Variants in DMD observed in about 807,000 individuals in gnomAD.
The protein encoded by DMD is dystrophin.
In DMD, 63 loss-of-function variants were observed where a neutral mutation model predicts 330.1. That is an observed-to-expected ratio of 0.19 (90% confidence interval 0.16 to 0.24). DMD has a LOEUF of 0.24. DMD is among the 10% of genes least tolerant of loss of function. The pLI is 1.00. For missense variants in DMD, 3,344 were observed against 2,684.1 expected (o/e 1.25, Z -5.43); for synonymous variants, 1,223 against 959.8 (o/e 1.27, Z -5.07).
In DMD at chrX:31,508,522, C is replaced by T. The variant is rs16989681; in HGVS notation, c.8218-1069G>A. ...TAAACAGCCAACTTTTCTTATCATT[C>T]TGCCATTACAAGCCAGAGACATTAT... On this transcript the variant is annotated intron_variant, in intron 55 of 78. Transcript: ENST00000357033. The T allele has an allele frequency of 0.21, 40,773 of 198,771 alleles. 4,345 individuals carry two copies. The highest frequency in any genetic ancestry group is 0.45 in the African/African-American group (15,026 of 33,518). 16.4% of individuals were successfully genotyped at this position (198,771 alleles called of 1,213,427 possible).
At chrX:31,622,875 TATAC>T (rs1452864738) in intron 55 of DMD, among the ~76,000 whole-genome samples, 1,927 of 80,249 alleles carry the variant, frequency 0.024, 22 homozygotes, top group Non-Finnish European at 0.027. Flanking sequence ...TATATATATA[TATAC>T]ACACACACAC....
intron 44 of DMD, among the ~76,000 whole-genome samples, chrX:32,045,341 GTTTTGT>G (rs2096056075): frequency 1.0e-5 from 1 of 97,364 alleles, no homozygotes; most frequent in African/African-American, 4.0e-5. Context: ...TGAGCGATCT[GTTTTGT>G]TTTTTTTTTT....
chrX:32,872,106 A>G (rs960625297), intron 2 of DMD, among the ~76,000 whole-genome samples: 2 of 111,601 alleles, frequency 1.8e-5, no homozygotes, highest in African/African-American at 6.5e-5. Flanking sequence ...CTGAATGATT[A>G]CTTGTATCAG....
chrX:32,980,368 C>CAAAAAAA (rs755016078), intron 2 of DMD, among the ~76,000 whole-genome samples: 2 of 42,633 alleles, frequency 4.7e-5, no homozygotes, highest in African/African-American at 1.8e-4. Context: ...GACTCTGTCT[C>CAAAAAAA]AAAAAAAAAA....
chrX:31,256,741 C>CGTGTGTGTGTGT (rs35842618), intron 63 of DMD, among the ~76,000 whole-genome samples: 59 of 97,966 alleles, frequency 6.0e-4, no homozygotes, highest in African/African-American at 2.2e-3. Context: ...ATATGTGGGG[C>CGTGTGTGTGTGT]GTGTGTGTGT....
intron 16 of DMD, among the ~76,000 whole-genome samples, chrX:32,562,828 C>T (rs1458851476): frequency 9.0e-6 from 1 of 111,451 alleles, no homozygotes; most frequent in Non-Finnish European, 1.9e-5. Flanking sequence ...TCCTGAGTAG[C>T]TCCATTTCTA....
chrX:32,999,476 T>C (rs2093215303), intron 2 of DMD, among the ~76,000 whole-genome samples: 1 of 111,715 alleles, frequency 9.0e-6, no homozygotes, highest in Non-Finnish European at 1.9e-5. Flanking sequence ...GTTACTTAAA[T>C]GTAACATGTT....
At chrX:32,427,673 C>T (rs1198280374) in intron 29 of DMD, among the ~76,000 whole-genome samples, 1 of 109,257 alleles carries the variant, frequency 9.2e-6, no homozygotes, top group African/African-American at 3.3e-5. Flanking sequence ...TGTATATTGC[C>T]TTGTATGTTC....
chrX:32,269,968 G>A (rs1385504700), intron 43 of DMD, among the ~76,000 whole-genome samples: 1 of 112,139 alleles, frequency 8.9e-6, no homozygotes, highest in Non-Finnish European at 1.9e-5. Context: ...GTATTGCAAA[G>A]CTACTTATTT....
chrX:32,729,853 A>G (rs2148013972), intron 7 of DMD, among the ~76,000 whole-genome samples: 2 of 112,335 alleles, frequency 1.8e-5, no homozygotes, highest in African/African-American at 3.2e-5. Flanking sequence ...CATTCACCAT[A>G]GTACTGACTA....
At chrX:31,804,849 T>C (rs1467820563) in intron 50 of DMD, among the ~76,000 whole-genome samples, 1 of 110,477 alleles carries the variant, frequency 9.1e-6, no homozygotes, top group East Asian at 2.8e-4. Context: ...TTTTTTTTTT[T>C]TTTTTCCAGA....
At chrX:31,393,486 A>C (rs867749601) in intron 60 of DMD, among the ~76,000 whole-genome samples, 2 of 100,074 alleles carry the variant, frequency 2.0e-5, no homozygotes, top group Admixed American at 1.0e-4. Context: ...CAAAAAAAAA[A>C]AAAAACAAAA....
At chrX:33,234,727 G>A (rs368612586) in intron 1 of DMD, among the ~76,000 whole-genome samples, 42 of 111,596 alleles carry the variant, frequency 3.8e-4, no homozygotes, top group Non-Finnish European at 7.3e-4. Context: ...ATTAGCCACC[G>A]CTGCCATTCC....
intron 47 of DMD, among the ~76,000 whole-genome samples, chrX:31,884,273 A>G (rs1432187113): frequency 8.9e-6 from 1 of 112,003 alleles, no homozygotes; most frequent in African/African-American, 3.2e-5. Flanking sequence ...GAACGGTTAA[A>G]GAAATTGCGG....
chrX:32,200,503 A>T (rs1203666312), intron 44 of DMD, among the ~76,000 whole-genome samples: 1 of 111,275 alleles, frequency 9.0e-6, no homozygotes, highest in East Asian at 2.8e-4. Context: ...TATGTGTTGC[A>T]TACATATGCA....
chrX:32,106,956 C>A (rs2096566580), intron 44 of DMD, among the ~76,000 whole-genome samples: 1 of 111,888 alleles, frequency 8.9e-6, no homozygotes, highest in African/African-American at 3.2e-5. Context: ...AAGGGAGGAG[C>A]CATCTTTTTC....
intron 18 of DMD, among the ~76,000 whole-genome samples, chrX:32,506,931 G>C (rs1056408215): frequency 1.8e-5 from 2 of 111,562 alleles, no homozygotes; most frequent in Non-Finnish European, 3.8e-5. Flanking sequence ...TAAGATCCTA[G>C]ATGAAGCTCC....
intron 55 of DMD, among the ~76,000 whole-genome samples, chrX:31,544,323 CA>C (rs756215454): frequency 0.18 from 9,315 of 50,702 alleles, 517 homozygotes; most frequent in East Asian, 0.34. Context: ...GACTCCGTCT[CA>C]AAAAAAAAAA....
At chrX:32,585,295 A>G (rs2054106296) in intron 13 of DMD, among the ~76,000 whole-genome samples, 1 of 112,526 alleles carries the variant, frequency 8.9e-6, no homozygotes, top group Admixed American at 9.4e-5. Flanking sequence ...ATAATTATAT[A>G]CAACAGTGTA....
Sources: allele counts gnomAD v4.1 joint callset (sites outside exome capture counted in the v4.1 genomes callset), GRCh38; gene constraint gnomAD v4.1.1; transcripts MANE v1.5; gene names NCBI Gene and HGNC (gene_info 2026-07-23, HGNC 2026-07-21).